ACTL6A: variants seen among roughly 807,000 people sequenced by gnomAD.
ACTL6A encodes actin-like protein 6A.
ACTL6A carries 5 observed loss-of-function variants against 59.2 expected under a neutral mutation model. The ratio of observed to expected loss-of-function variants is 0.08; its 90% CI spans 0.04 to 0.18. ACTL6A has a LOEUF of 0.18. ACTL6A is among the 10% of genes least tolerant of loss of function. ACTL6A has a pLI of 1.00. For synonymous variants in ACTL6A, 154 were observed against 171.8 expected, an observed-to-expected ratio of 0.90 and a Z score of 0.81; for missense variants, 285 against 526.9, an observed-to-expected ratio of 0.54 and a Z score of 4.49.
chr3:179,565,818 AT>A (rs979165338), intron 1 of ACTL6A, among the ~76,000 whole-genome samples: 3 of 151,984 alleles, frequency 2.0e-5, no homozygotes, highest in Non-Finnish European at 2.9e-5. Flanking sequence ...TCACCCCCTA[AT>A]TTTTTTTGAA....
chr3:179,577,627 T>C (rs7643532), intron 8 of ACTL6A, among the ~76,000 whole-genome samples: 13,699 of 152,146 alleles, frequency 0.09, 663 homozygotes, highest in South Asian at 0.17. Context: ...TTTTTTCTGC[T>C]CCATTCCCTC....
At chr3:179,578,600 C>T (rs1308124287) in intron 8 of ACTL6A, among the ~76,000 whole-genome samples, 10 of 151,786 alleles carry the variant, frequency 6.6e-5, no homozygotes, top group African/African-American at 7.3e-5. Flanking sequence ...GCCTGGGTAA[C>T]GAGTGAGAAC....
intron 4 of ACTL6A, among the ~76,000 whole-genome samples, chr3:179,573,806 G>A (rs1205495261): frequency 6.6e-6 from 1 of 152,046 alleles, no homozygotes; most frequent in Admixed American, 6.5e-5. Flanking sequence ...CAAGGGCAGC[G>A]TATATCTACT....
At position 179,580,708 on chromosome 3, in the gene ACTL6A, T is replaced by A. The variant is rs1376879660; in HGVS notation, c.830+7T>A. On this transcript the variant is annotated splice_region_variant and intron_variant, in intron 9 of 13. Coordinates refer to ENST00000429709, the MANE Select transcript of ACTL6A (RefSeq NM_004301.5). Reference sequence around the variant, plus strand: ...ATTCAACTTATGATGAACAGTATGTTTTCTTATTAAAATGTATACTTTATA... The same window carrying A: ...ATTCAACTTATGATGAACAGTATGTATTCTTATTAAAATGTATACTTTATA... 1 of 1,584,026 alleles carries A rather than the reference T, an allele frequency of 6.3e-7. No individual in the cohort carries two copies. The highest frequency in any genetic ancestry group is 1.4e-5 in the African/African-American group (1 of 73,912).
rs769528766 is a variant in ACTL6A, at chr3:179,586,717, CATTT to C, written c.1209+86_1209+89del. 4.6e-5 allele frequency: 51 copies of C among 1,118,372 alleles called. No individual in the cohort carries two copies. In the African/African-American group the frequency reaches 5.7e-4, roughly 13 times the overall value. 69.3% of individuals were successfully genotyped at this position (1,118,372 alleles called of 1,614,324 possible). On this transcript the variant is annotated intron_variant, in intron 13 of 13. Coordinates refer to ENST00000429709, the MANE Select transcript of ACTL6A (RefSeq NM_004301.5). ...AATACAAAAAATAATTCCAGTGCTT[CATTT>C]GTCTGTGCATTTTATAACTGTCAAA...
chr3:179,570,057 A>G lies in ACTL6A; in HGVS notation c.103-10A>G, dbSNP rs1487004813. The G allele has an allele frequency of 1.9e-6, 3 of 1,610,868 alleles. No homozygotes were observed. Among genetic ancestry groups the G allele is most frequent in the Non-Finnish European group, 2.5e-6 (3 of 1,178,654 alleles). ...GTGAAACTTGTATGTCATGTTTCTG[A>G]CTCTTACAGGTGGATTTTCCTACAG... On this transcript the variant is annotated splice_polypyrimidine_tract_variant and intron_variant, in intron 2 of 13. Coordinates refer to ENST00000429709, the MANE Select transcript of ACTL6A (RefSeq NM_004301.5). This position sits in a 1 kb window ranked among gnomAD's most constrained non-coding sequence, Gnocchi z 4.3.
chr3:179,578,089 T>A (rs1214820846), intron 8 of ACTL6A, among the ~76,000 whole-genome samples: 1 of 152,052 alleles, frequency 6.6e-6, no homozygotes, highest in Non-Finnish European at 1.5e-5. Flanking sequence ...GGTGGGTGGA[T>A]CCCTTGAGCT....
At chr3:179,586,366 T>C in intron 12 of ACTL6A, 180 bp from the exon 13 acceptor site, 1 of 463,086 alleles carries the variant, frequency 2.2e-6, no homozygotes, top group South Asian at 3.5e-5. Context: ...GGCTCATGCA[T>C]GTAATCCCAG....
At chr3:179,571,312 C>T (rs369686067) in intron 3 of ACTL6A, among the ~76,000 whole-genome samples, 24 of 151,772 alleles carry the variant, frequency 1.6e-4, no homozygotes, top group African/African-American at 5.8e-4. Flanking sequence ...GTAATTCCAG[C>T]TACTTGGGAG....
chr3:179,564,629 A>G (rs1038182577), intron 1 of ACTL6A, among the ~76,000 whole-genome samples: 8 of 152,212 alleles, frequency 5.3e-5, no homozygotes, highest in Non-Finnish European at 1.2e-4. Flanking sequence ...AAATTCTGAG[A>G]ATTTAGAGTC....
chr3:179,576,316 A>G lies in ACTL6A; in HGVS notation c.571+5A>G. 1 of 1,586,456 alleles carries G rather than the reference A, an allele frequency of 6.3e-7. No homozygotes were observed. Among genetic ancestry groups the G allele is most frequent in the Non-Finnish European group, 8.6e-7 (1 of 1,169,296 alleles). ...ATGGCTATGTCCTTCAACAAGGTAAATGTATTTAACCAGGATACACTGAGA... is the reference window on the plus strand; with the variant it reads ...ATGGCTATGTCCTTCAACAAGGTAAGTGTATTTAACCAGGATACACTGAGA... On this transcript the variant is annotated splice_donor_5th_base_variant and intron_variant, in intron 6 of 13. Transcript: ENST00000429709.
chr3:179,576,151 T>A lies in ACTL6A; in HGVS notation c.477-66T>A, dbSNP rs113735825. The A allele has an allele frequency of 1.0e-4, 115 of 1,126,196 alleles. No individual in the cohort carries two copies. In the African/African-American group the frequency reaches 1.4e-3, roughly 14 times the overall value. 69.8% of individuals were successfully genotyped at this position (1,126,196 alleles called of 1,614,324 possible). The stretch of plus-strand genomic sequence containing the variant: ...TAGTTTCTGAAACATTATAAGAGCC[T>A]GCCCTTTACAATAAACATTATTTTA... On this transcript the variant is annotated intron_variant, in intron 5 of 13. Coordinates refer to ENST00000429709, the MANE Select transcript of ACTL6A (RefSeq NM_004301.5).
intron 4 of ACTL6A, among the ~76,000 whole-genome samples, chr3:179,574,156 TGATA>T (rs986038343): frequency 1.3e-5 from 2 of 152,168 alleles, no homozygotes; most frequent in African/African-American, 4.8e-5. Flanking sequence ...AATTCTTCTC[TGATA>T]GATTTATTAA....
At chr3:179,585,180 G>T (rs376639199) in intron 12 of ACTL6A, among the ~76,000 whole-genome samples, 158 of 152,288 alleles carry the variant, frequency 1.0e-3, no homozygotes, top group African/African-American at 3.6e-3. Flanking sequence ...TCAGCTCACT[G>T]TAACCTCCGC....
intron 1 of ACTL6A, among the ~76,000 whole-genome samples, chr3:179,566,034 G>T (rs1717824765): frequency 6.6e-6 from 1 of 152,138 alleles, no homozygotes; most frequent in Admixed American, 6.6e-5. Context: ...AGAAATATTT[G>T]GCAGAACTTG....
intron 12 of ACTL6A, among the ~76,000 whole-genome samples, chr3:179,584,597 G>A (rs1331667936): frequency 1.4e-5 from 2 of 143,780 alleles, no homozygotes; most frequent in Non-Finnish European, 3.0e-5. Flanking sequence ...TTCCAACAGA[G>A]CAAGACTCCA....
rs1717704727 is a variant in ACTL6A at position 179,562,943 on chromosome 3, G to C, written c.-150G>C. On this transcript the variant is annotated 5_prime_UTR_variant, in exon 1 of 14. Transcript: ENST00000429709. Reference sequence around the variant, plus strand: ...GAGCCAGCAAGTGTGGCTGAGCTCCGGGGTGTGTGGACGCCGCTTTGTTGC... The same window carrying C: ...GAGCCAGCAAGTGTGGCTGAGCTCCCGGGTGTGTGGACGCCGCTTTGTTGC... 3 of 970,224 alleles carry C rather than the reference G, an allele frequency of 3.1e-6. No individual in the cohort carries two copies. Among genetic ancestry groups the C allele is most frequent in the Non-Finnish European group, 3.2e-6 (2 of 630,210 alleles). 60.1% of individuals were successfully genotyped at this position (970,224 alleles called of 1,614,324 possible). A position where few individuals can be genotyped will look rare whatever the true frequency, so the allele number is the denominator to read the frequency against.
rs1717967315 is a variant in ACTL6A, at chr3:179,570,329, A to T, written c.277+88A>T. 1 of 1,234,912 alleles carries T rather than the reference A, an allele frequency of 8.1e-7. No individual in the cohort carries two copies. The highest frequency in any genetic ancestry group is 1.1e-6 in the Non-Finnish European group (1 of 921,670). 76.5% of individuals were successfully genotyped at this position (1,234,912 alleles called of 1,614,324 possible). A position where few individuals can be genotyped will look rare whatever the true frequency, so the allele number is the denominator to read the frequency against. ...AGTAGCTTCCTATAAGTTGAACATC[A>T]ACCATGGTTTTTTGTTTTGTTTTGT... is the stretch of plus-strand genomic sequence containing the variant. On this transcript the variant is annotated intron_variant, in intron 3 of 13. Coordinates refer to ENST00000429709, the MANE Select transcript of ACTL6A (RefSeq NM_004301.5). This position sits in a 1 kb window ranked among gnomAD's most constrained non-coding sequence, Gnocchi z 4.3.
intron 8 of ACTL6A, among the ~76,000 whole-genome samples, chr3:179,578,776 A>AT (rs1395668580): frequency 6.6e-6 from 1 of 151,926 alleles, no homozygotes; most frequent in Non-Finnish European, 1.5e-5. Context: ...TATTTATTTA[A>AT]TTTTTTCAAG....
Sources: gnomAD v4.1 joint callset for allele counts (sites outside exome capture counted in the v4.1 genomes callset) on GRCh38, gnomAD v4.1.1 for gene constraint, Gnocchi (gnomAD v3.1) non-coding constraint, MANE v1.5 for transcripts, NCBI Gene and HGNC (gene_info 2026-07-23, HGNC 2026-07-21) for gene names.